The following PTPRK variants were observed in gnomAD, a reference collection of about 807,000 sequenced individuals.
PTPRK encodes the protein receptor-type tyrosine-protein phosphatase kappa.
A neutral mutation model predicts 178.0 loss-of-function variants in PTPRK; 75 were observed. That is an observed-to-expected ratio of 0.42 (90% CI 0.35 to 0.51). PTPRK has a LOEUF of 0.51. PTPRK is among the 20% of genes least tolerant of loss of function. PTPRK has a pLI of 0.02. For missense variants in PTPRK, 1,441 were observed against 1,797.8 expected, an observed-to-expected ratio of 0.80 and a Z score of 3.59; for synonymous variants, 637 against 620.6, an observed-to-expected ratio of 1.03 and a Z score of -0.39.
chr6:128,080,372 A>C (rs1435571224), intron 10 of PTPRK, among the ~76,000 whole-genome samples: 1 of 152,068 alleles, frequency 6.6e-6, no homozygotes, highest in East Asian at 1.9e-4. Flanking sequence ...TTGCGAAAAT[A>C]TTTAAGAAGG....
intron 13 of PTPRK, among the ~76,000 whole-genome samples, chr6:128,026,241 T>C (rs183780451): frequency 3.3e-5 from 5 of 152,338 alleles, no homozygotes; most frequent in Non-Finnish European, 5.9e-5. Flanking sequence ...TTTTTACTGC[T>C]ACCAGAACCT....
chr6:128,296,768 T>A (rs1021391905), intron 3 of PTPRK, among the ~76,000 whole-genome samples: 14 of 151,710 alleles, frequency 9.2e-5, no homozygotes, highest in African/African-American at 3.1e-4. Context: ...CACTGCAAAA[T>A]CATGCCAAAT....
intron 2 of PTPRK, among the ~76,000 whole-genome samples, chr6:128,396,586 T>C (rs1236798204): frequency 1.3e-5 from 2 of 152,246 alleles, no homozygotes; most frequent in East Asian, 3.9e-4. Context: ...TATGTAAATA[T>C]TGACATCCTA....
chr6:128,156,707 A>G (rs1471380143), intron 7 of PTPRK, among the ~76,000 whole-genome samples: 1 of 152,016 alleles, frequency 6.6e-6, no homozygotes, highest in Non-Finnish European at 1.5e-5. Flanking sequence ...AGATGAGAGG[A>G]ATATACAATC....
At chr6:128,506,197 T>C (rs1325866495) in intron 1 of PTPRK, among the ~76,000 whole-genome samples, 1 of 152,174 alleles carries the variant, frequency 6.6e-6, no homozygotes, top group African/African-American at 2.4e-5. Context: ...TTAATTCTAA[T>C]TCTCTCATTC....
chr6:128,067,569 G>C lies in PTPRK; in HGVS notation c.2107C>G (p.Pro703Ala). The change falls in exon 12 of 30, where the codon CCG (proline) becomes GCG (alanine). Residue 703 changes from proline (P) to alanine (A), a missense_variant. Pro to Ala is a conservative substitution (Grantham distance 27). This residue lies in a region of PTPRK where 945 missense variants were observed against 1,080.6 expected (regional missense o/e 0.87). Coordinates refer to ENST00000368226, the MANE Select transcript of PTPRK (RefSeq NM_002844.4). ...YQGFWNPPLA[P>A]RKGYNIYFQA... ...AAATAGATGTTGTATCCTTTGCGCG[G>C]AGCCAAAGGAGGGTTCCAAAAGCCT... 6.2e-7 allele frequency: 1 copy of C among 1,610,362 alleles called. No homozygotes were observed. Among genetic ancestry groups the C allele is most frequent in the African/African-American group, 1.3e-5 (1 of 74,972 alleles).
At chr6:127,991,581 G>GT (rs55842054) in intron 19 of PTPRK, among the ~76,000 whole-genome samples, 190 bp from the exon 20 acceptor site, 3,153 of 135,444 alleles carry the variant, frequency 0.023, 43 homozygotes, top group African/African-American at 0.028. Flanking sequence ...GCATATACAA[G>GT]TTTTTTTTTT....
At chr6:128,419,950 TGTTGGTTTAGTTAG>T (rs1361625384) in intron 1 of PTPRK, among the ~76,000 whole-genome samples, 1 of 152,208 alleles carries the variant, frequency 6.6e-6, no homozygotes, top group Non-Finnish European at 1.5e-5. Context: ...AAGATCATGG[TGTTGGTTTAGTTAG>T]GTAGGAAATC....
rs573803883 is a variant in PTPRK at position 128,190,656 on chromosome 6, G to A, written c.869-5931C>T. The stretch of plus-strand genomic sequence containing the variant: ...TGGGATTACAGATACTTGCCACCAC[G>A]CCCAGCTAATTTTTGTATTTTTAGT... On this transcript the variant is annotated intron_variant, in intron 6 of 29. Coordinates refer to ENST00000368226, the MANE Select transcript of PTPRK (RefSeq NM_002844.4). Among the ~76,000 whole-genome samples, 9 of 151,464 alleles carry A rather than the reference G, an allele frequency of 5.9e-5. No homozygotes were observed. The South Asian group carries it at 6.3e-4, about 11-fold the overall frequency.
In PTPRK at chr6:128,508,379, TA is replaced by T. The variant is rs1436705834; in HGVS notation, c.100+11879del. On this transcript the variant is annotated intron_variant, in intron 1 of 29. Coordinates refer to ENST00000368226, the MANE Select transcript of PTPRK (RefSeq NM_002844.4). ...ATAAACCTCATCAGGATCATGCTCT[TA>T]AAAACCAGGCAGAACAGCTTAGATG... Among the ~76,000 whole-genome samples the T allele has an allele frequency of 1.3e-5, 2 of 150,700 alleles. 1 individual carries two copies. Among genetic ancestry groups the T allele is most frequent in the Non-Finnish European group, 3.0e-5 (2 of 66,966 alleles).
At chr6:128,216,259 G>A (rs1483905710) in intron 6 of PTPRK, among the ~76,000 whole-genome samples, 2 of 152,012 alleles carry the variant, frequency 1.3e-5, no homozygotes, top group Non-Finnish European at 2.9e-5. Flanking sequence ...AAATAAGGCC[G>A]GGAGTGGTGG....
At chr6:128,518,262 G>A (rs777596712) in intron 1 of PTPRK, among the ~76,000 whole-genome samples, 1 of 152,070 alleles carries the variant, frequency 6.6e-6, no homozygotes, top group Non-Finnish European at 1.5e-5. Flanking sequence ...CTAAAGAAAA[G>A]CCAGGCATAT....
In PTPRK at chr6:128,487,155, C is replaced by T. The variant is rs148427976; in HGVS notation, c.100+33104G>A. Among the ~76,000 whole-genome samples the T allele has an allele frequency of 5.0e-3, 703 of 141,716 alleles. 7 individuals are homozygous for T. The highest frequency in any genetic ancestry group is 0.017 in the African/African-American group (652 of 38,522). 93.0% of individuals were successfully genotyped at this position (141,716 alleles called of 152,430 possible). A position where few individuals can be genotyped will look rare whatever the true frequency, so the allele number is the denominator to read the frequency against. ...TGGCAGGAAAGCTGCATGTTGTGAG[C>T]GCTGACATTTTAAATTTTACAATGT... On this transcript the variant is annotated intron_variant, in intron 1 of 29. Transcript: ENST00000368226.
intron 7 of PTPRK, among the ~76,000 whole-genome samples, chr6:128,110,093 A>G (rs2114328396): frequency 6.6e-6 from 1 of 152,024 alleles, no homozygotes; most frequent in South Asian, 2.1e-4. Flanking sequence ...GGGGCTACTT[A>G]TTTTTATTTT....
intron 7 of PTPRK, among the ~76,000 whole-genome samples, chr6:128,094,684 G>A (rs1181751216): frequency 4.6e-5 from 7 of 152,114 alleles, no homozygotes; most frequent in Admixed American, 2.0e-4. Context: ...CAAGGCATAC[G>A]AGCAATACTT....
At chr6:128,428,726 A>G (rs1057058171) in intron 1 of PTPRK, among the ~76,000 whole-genome samples, 1 of 152,236 alleles carries the variant, frequency 6.6e-6, no homozygotes, top group African/African-American at 2.4e-5. Flanking sequence ...TGGGGTCCCC[A>G]ACCTATGATG....
chr6:128,036,990 C>T (rs1776338951), intron 13 of PTPRK, among the ~76,000 whole-genome samples: 1 of 152,096 alleles, frequency 6.6e-6, no homozygotes, highest in Admixed American at 6.5e-5. Flanking sequence ...CCTTGGCCTC[C>T]CAAAGTACTG....
intron 2 of PTPRK, among the ~76,000 whole-genome samples, chr6:128,394,299 T>G (rs2128366720): frequency 6.6e-6 from 1 of 152,242 alleles, no homozygotes; most frequent in Non-Finnish European, 1.5e-5. Flanking sequence ...GTTTTTAGCT[T>G]GGAACTATTA....
chr6:128,017,758 A>G (rs1332083402), intron 13 of PTPRK, among the ~76,000 whole-genome samples: 4 of 18,512 alleles, frequency 2.2e-4, no homozygotes, highest in African/African-American at 4.2e-4. Context: ...ATAAATATAT[A>G]TACATATATA....
Sources: allele counts gnomAD v4.1 joint callset (sites outside exome capture counted in the v4.1 genomes callset), GRCh38; gene constraint gnomAD v4.1.1; regional missense constraint gnomAD v4.1.1; transcripts MANE v1.5; gene names NCBI Gene and HGNC (gene_info 2026-07-23, HGNC 2026-07-21).